Variants in POU2F1 observed in about 807,000 individuals in gnomAD.
POU2F1 encodes POU domain, class 2, transcription factor 1.
POU2F1 carries 16 observed loss-of-function variants against 84.9 expected under a neutral mutation model. The ratio of observed to expected loss-of-function variants is 0.19; its 90% CI spans 0.13 to 0.29. The LOEUF is 0.29. Among genes scored for constraint, POU2F1 ranks in the 10% least tolerant of loss-of-function variants. The pLI, the probability that POU2F1 is intolerant of heterozygous loss-of-function variation, is 1.00. For synonymous variants in POU2F1, 368 were observed against 368.3 expected, an observed-to-expected ratio of 1.00 and a Z score of 0.01; for missense variants, 738 against 942.6, an observed-to-expected ratio of 0.78 and a Z score of 2.84.
At chr1:167,370,239 G>A (rs1659924363) in intron 4 of POU2F1, 25 bp downstream of exon 4, 2 of 1,558,862 alleles carry the variant, frequency 1.3e-6, no homozygotes, top group East Asian at 2.3e-5. Context: ...GGGATTATGG[G>A]TCAATCTTTT....
intron 9 of POU2F1, among the ~76,000 whole-genome samples, chr1:167,392,821 C>T (rs1194440192): frequency 6.6e-6 from 1 of 152,170 alleles, no homozygotes; most frequent in Non-Finnish European, 1.5e-5. Context: ...ATCAGTCTAT[C>T]AACCTCTGTT....
At chr1:167,381,737 G>T (rs1571409121) in intron 7 of POU2F1, among the ~76,000 whole-genome samples, 1 of 149,906 alleles carries the variant, frequency 6.7e-6, no homozygotes, top group East Asian at 2.0e-4. Flanking sequence ...CGCCTCCCGA[G>T]TAGCTGGGAT....
intron 11 of POU2F1, among the ~76,000 whole-genome samples, chr1:167,398,562 A>G (rs1365625061): frequency 6.6e-6 from 1 of 152,200 alleles, no homozygotes; most frequent in Non-Finnish European, 1.5e-5. Flanking sequence ...TATGCCTGGA[A>G]TAGTAGTTTG....
chr1:167,310,351 G>A (rs867697012), intron 1 of POU2F1, among the ~76,000 whole-genome samples: 1 of 151,984 alleles, frequency 6.6e-6, no homozygotes, highest in Non-Finnish European at 1.5e-5. Flanking sequence ...TAGTAAATGG[G>A]TTAAACAAAC....
Position 167,417,200 on chromosome 1 carries a change from T to G in POU2F1, c.*1390T>G, listed in dbSNP as rs1337788523. 4 of 152,218 alleles carry G rather than the reference T, an allele frequency of 2.6e-5. No homozygotes were observed. The highest frequency in any genetic ancestry group is 4.4e-5 in the Non-Finnish European group (3 of 68,030). The allele number at this position is 152,218 out of a possible 1,614,324, so 9.4% of individuals were successfully genotyped here. A position where few individuals can be genotyped will look rare whatever the true frequency, so the allele number is the denominator to read the frequency against. On this transcript the variant is annotated 3_prime_UTR_variant, in exon 16 of 16. Transcript: ENST00000367866. Reference sequence around the variant, plus strand: ...TTATAAATTCCTCTAACCCTGAGATTCTTCTTGGTTCTCTGACTAAAGGAG... The same window carrying G: ...TTATAAATTCCTCTAACCCTGAGATGCTTCTTGGTTCTCTGACTAAAGGAG...
chr1:167,372,080 A>G, intron 5 of POU2F1, 44 bp downstream of exon 5: 7 of 1,588,026 alleles, frequency 4.4e-6, no homozygotes, highest in Non-Finnish European at 6.0e-6. Context: ...TTTCTGTGTC[A>G]GAACTGCCAT....
At chr1:167,374,376 T>C in intron 6 of POU2F1, 80 bp downstream of exon 6, 4 of 1,376,444 alleles carry the variant, frequency 2.9e-6, no homozygotes, top group Non-Finnish European at 3.9e-6. Context: ...ATTAACTTTT[T>C]GATTGTTAGT....
chr1:167,405,447 G>T (rs1208218979), intron 13 of POU2F1, among the ~76,000 whole-genome samples: 1 of 151,836 alleles, frequency 6.6e-6, no homozygotes, highest in Admixed American at 6.6e-5. Context: ...GTAGGCCAAG[G>T]TGAAAGGATC....
At chr1:167,317,346 A>C (rs2019470682) in intron 1 of POU2F1, among the ~76,000 whole-genome samples, 1 of 152,220 alleles carries the variant, frequency 6.6e-6, no homozygotes, top group African/African-American at 2.4e-5. Context: ...TTCAGTTACA[A>C]GCCTTCTGAA....
intron 1 of POU2F1, among the ~76,000 whole-genome samples, chr1:167,258,398 A>G (rs953074645): frequency 6.6e-6 from 1 of 152,236 alleles, no homozygotes; most frequent in Non-Finnish European, 1.5e-5. Context: ...ACCAGTTATT[A>G]TCAAACTTGA....
rs6427081 is a variant in POU2F1, at chr1:167,245,851, G to A, written c.61+24893G>A. Reference sequence around the variant, plus strand: ...GAATTACAGGCGTGAGCCACTGTCCGTGGCTCAACTCAAATAATTTCTGAA... The same window carrying A: ...GAATTACAGGCGTGAGCCACTGTCCATGGCTCAACTCAAATAATTTCTGAA... On this transcript the variant is annotated intron_variant, in intron 1 of 15. Transcript: ENST00000367866. Among the ~76,000 whole-genome samples, 85 of 152,378 alleles carry A rather than the reference G, an allele frequency of 5.6e-4. No homozygotes were observed. The South Asian group carries it at 0.017, about 30-fold the overall frequency.
At chr1:167,391,513 C>T (rs1648396585) in intron 9 of POU2F1, among the ~76,000 whole-genome samples, 1 of 143,180 alleles carries the variant, frequency 7.0e-6, no homozygotes, top group African/African-American at 2.6e-5. Context: ...CCCAAATGTA[C>T]TATGGGTGTT....
intron 1 of POU2F1, among the ~76,000 whole-genome samples, chr1:167,270,136 T>G (rs1241964772): frequency 1.3e-5 from 2 of 152,160 alleles, no homozygotes. Flanking sequence ...GTAGGAACAG[T>G]AGTAACATTT....
At chr1:167,231,651 G>A (rs1373044202) in intron 1 of POU2F1, among the ~76,000 whole-genome samples, 1 of 152,144 alleles carries the variant, frequency 6.6e-6, no homozygotes, top group Non-Finnish European at 1.5e-5. Flanking sequence ...TAACATCTCT[G>A]CCCTCTCAAA....
At chr1:167,325,362 C>G (rs931049076) in intron 1 of POU2F1, among the ~76,000 whole-genome samples, 7 of 151,990 alleles carry the variant, frequency 4.6e-5, no homozygotes, top group Admixed American at 1.3e-4. Context: ...TCTGCTTGTT[C>G]AACTAGTTAT....
chr1:167,407,818 A>G (rs1303610551), intron 13 of POU2F1, among the ~76,000 whole-genome samples: 1 of 152,224 alleles, frequency 6.6e-6, no homozygotes, highest in Non-Finnish European at 1.5e-5. Flanking sequence ...ATAAAGTAGG[A>G]CAAAATCTTT....
intron 1 of POU2F1, among the ~76,000 whole-genome samples, chr1:167,227,627 G>A (rs1648736743): frequency 6.6e-6 from 1 of 152,100 alleles, no homozygotes; most frequent in African/African-American, 2.4e-5. Flanking sequence ...TATAATTAAT[G>A]TTTTAAAGTA....
At chr1:167,248,978 G>A (rs1348551863) in intron 1 of POU2F1, among the ~76,000 whole-genome samples, 1 of 152,172 alleles carries the variant, frequency 6.6e-6, no homozygotes, top group Non-Finnish European at 1.5e-5. Context: ...TTAAACCCAT[G>A]TTGTCTCATT....
intron 2 of POU2F1, among the ~76,000 whole-genome samples, chr1:167,348,075 A>T (rs993855209): frequency 1.3e-5 from 2 of 152,186 alleles, no homozygotes; most frequent in Non-Finnish European, 2.9e-5. Flanking sequence ...TCAGGGATAC[A>T]TTCTGAGAAA....
Sources: allele counts gnomAD v4.1 joint callset (sites outside exome capture counted in the v4.1 genomes callset), GRCh38; gene constraint gnomAD v4.1.1; transcripts MANE v1.5; gene names NCBI Gene and HGNC (gene_info 2026-07-23, HGNC 2026-07-21).